The following SF3B3 variants were observed in gnomAD, a reference collection of about 807,000 sequenced individuals.
SF3B3 encodes splicing factor 3b subunit 3, also known as SAP 130.
SF3B3 carries 33 observed loss-of-function variants against 139.2 expected under a neutral mutation model. That is an observed-to-expected ratio of 0.24 (90% CI 0.18 to 0.32). The LOEUF is 0.32. Among genes scored for constraint, SF3B3 ranks in the 10% least tolerant of loss-of-function variants. The pLI is 1.00. For missense variants in SF3B3, 818 were observed against 1,509.4 expected, an observed-to-expected ratio of 0.54 and a Z score of 7.59; for synonymous variants, 596 against 563.6, an observed-to-expected ratio of 1.06 and a Z score of -0.81.
At chr16:70,534,279 A>ATGAT (rs1358640451) in intron 5 of SF3B3, among the ~76,000 whole-genome samples, 1 of 152,230 alleles carries the variant, frequency 6.6e-6, no homozygotes, top group Admixed American at 6.5e-5. Flanking sequence ...CATTCAAATA[A>ATGAT]TTAAAAGCTC....
At chr16:70,570,547 G>T (rs986682448) in intron 24 of SF3B3, among the ~76,000 whole-genome samples, 3 of 151,912 alleles carry the variant, frequency 2.0e-5, no homozygotes, top group African/African-American at 7.3e-5. Flanking sequence ...AGCCAGGGTG[G>T]TCTCGATCTC....
intron 15 of SF3B3, among the ~76,000 whole-genome samples, chr16:70,560,038 A>G (rs1245748229): frequency 1.3e-5 from 2 of 152,200 alleles, no homozygotes; most frequent in Non-Finnish European, 2.9e-5. Context: ...TTGTTGCACA[A>G]TAAAGTATCC....
intron 4 of SF3B3, 118 bp from the exon 5 acceptor site, chr16:70,532,361 A>AAAAAAAAAAAT: frequency 1.2e-6 from 1 of 803,580 alleles, no homozygotes; most frequent in Non-Finnish European, 1.9e-6. Context: ...TCTCTCCAAA[A>AAAAAAAAAAAT]AAAAAAGAAG....
chr16:70,557,755 C>T (rs1295983137), intron 15 of SF3B3, among the ~76,000 whole-genome samples: 1 of 152,036 alleles, frequency 6.6e-6, no homozygotes, highest in Admixed American at 6.6e-5. Context: ...CTATCAGCAA[C>T]ATTCTGCTGT....
At chr16:70,534,895 C>G (rs2050152312) in intron 5 of SF3B3, among the ~76,000 whole-genome samples, 1 of 152,154 alleles carries the variant, frequency 6.6e-6, no homozygotes, top group East Asian at 1.9e-4. Flanking sequence ...TCTCGAACTC[C>G]TGACCTCAGG....
At chr16:70,528,234 G>A (rs1183366171) in intron 2 of SF3B3, among the ~76,000 whole-genome samples, 1 of 141,902 alleles carries the variant, frequency 7.0e-6, no homozygotes, top group Admixed American at 7.6e-5. Flanking sequence ...GTGCGACCTC[G>A]GCTCACTGCA....
intron 8 of SF3B3, among the ~76,000 whole-genome samples, chr16:70,541,356 T>C (rs1039860261): frequency 1.5e-4 from 23 of 152,226 alleles, no homozygotes; most frequent in Admixed American, 1.4e-3. Flanking sequence ...GATTTGCAAA[T>C]ATTTTCTCTC....
chr16:70,570,355 C>T (rs1018073376), intron 24 of SF3B3, among the ~76,000 whole-genome samples: 2 of 104,154 alleles, frequency 1.9e-5, no homozygotes, highest in African/African-American at 3.8e-5. Flanking sequence ...TTTTTTGCGA[C>T]GGAGTCTCAC....
At chr16:70,530,172 A>AAATAAATG (rs1555499185) in intron 3 of SF3B3, among the ~76,000 whole-genome samples, 3 of 143,268 alleles carry the variant, frequency 2.1e-5, no homozygotes, top group Admixed American at 7.1e-5. Flanking sequence ...ATAAATAAAT[A>AAATAAATG]AGAGAGAGAT....
intron 19 of SF3B3, 47 bp downstream of exon 19, chr16:70,565,317 C>T (rs566850250): frequency 6.2e-7 from 1 of 1,613,272 alleles, no homozygotes; most frequent in Admixed American, 1.7e-5. Flanking sequence ...GGAACAGGAG[C>T]TCTCTGAGTT....
At chr16:70,528,310 A>G (rs1329606496) in intron 2 of SF3B3, among the ~76,000 whole-genome samples, 2 of 150,844 alleles carry the variant, frequency 1.3e-5, no homozygotes, top group African/African-American at 4.9e-5. Flanking sequence ...GATTATAGGC[A>G]CGTGCCACCA....
intron 1 of SF3B3, chr16:70,525,027 T>G (rs968015179): frequency 2.0e-5 from 3 of 150,536 alleles, no homozygotes; most frequent in Admixed American, 2.0e-4. Flanking sequence ...GGTATGTATT[T>G]TTTGTTTGTT....
At chr16:70,570,175 C>T in intron 24 of SF3B3, 26 bp downstream of exon 24, 2 of 1,613,062 alleles carry the variant, frequency 1.2e-6, no homozygotes, top group Non-Finnish European at 1.7e-6. Context: ...TTACTCTGGC[C>T]TTGACTTTTA....
At chr16:70,542,103 AG>A (rs1302857429) in intron 9 of SF3B3, among the ~76,000 whole-genome samples, 1 of 152,224 alleles carries the variant, frequency 6.6e-6, no homozygotes, top group Admixed American at 6.5e-5. Flanking sequence ...GAGAAGTAAA[AG>A]TCCTCCCCGT....
intron 15 of SF3B3, among the ~76,000 whole-genome samples, chr16:70,558,546 C>T (rs894028407): frequency 6.6e-6 from 1 of 152,076 alleles, no homozygotes; most frequent in African/African-American, 2.4e-5. Flanking sequence ...GGTATTGGCA[C>T]TTTACACTTA....
chr16:70,538,064 G>T (rs1555499618), intron 6 of SF3B3: 1 of 651,000 alleles, frequency 1.5e-6, no homozygotes, highest in South Asian at 1.4e-5. Flanking sequence ...TTTTTCTCTG[G>T]ACACAGTTTT....
chr16:70,529,529 C>T (rs1190908864), intron 3 of SF3B3: 1 of 271,602 alleles, frequency 3.7e-6, no homozygotes, highest in South Asian at 6.0e-5. Context: ...TGATGATTCA[C>T]ATTCATGTCT....
intron 17 of SF3B3, among the ~76,000 whole-genome samples, chr16:70,562,696 A>G (rs1320485889): frequency 1.3e-5 from 2 of 152,198 alleles, no homozygotes; most frequent in South Asian, 2.1e-4. Flanking sequence ...GATTTAGACA[A>G]TCGCTACAGA....
In SF3B3 at chr16:70,567,419, G is replaced by T; in HGVS notation, c.2835G>T (p.Val945=). ...CTGCTTTTCCTCTATAGACTCCTGTGGAAGAGGTCCCTGCTGCTATTGCCC... is the reference window on the plus strand; with the variant it reads ...CTGCTTTTCCTCTATAGACTCCTGTTGAAGAGGTCCCTGCTGCTATTGCCC... The part of the protein sequence containing the change: ...EKLEFLHKTP[V]EEVPAAIAPF... The change falls in exon 21 of 26, where the codon GTG becomes GTT. Residue 945 remains valine (V), a synonymous_variant. Coordinates refer to ENST00000302516, the MANE Select transcript of SF3B3 (RefSeq NM_012426.5). 6.2e-7 allele frequency: 1 copy of T among 1,613,616 alleles called. No homozygotes were observed. Among genetic ancestry groups the T allele is most frequent in the Non-Finnish European group, 8.5e-7 (1 of 1,179,816 alleles).
Sources: gnomAD v4.1 joint callset for allele counts (sites outside exome capture counted in the v4.1 genomes callset) on GRCh38, gnomAD v4.1.1 for gene constraint, MANE v1.5 for transcripts, NCBI Gene and HGNC (gene_info 2026-07-23, HGNC 2026-07-21) for gene names.